The following CXCL13 variants were observed in gnomAD, a reference collection of about 807,000 sequenced individuals.
CXCL13 encodes C-X-C motif chemokine 13.
A neutral mutation model predicts 12.2 loss-of-function variants in CXCL13; 7 were observed. The observed-to-expected ratio is 0.57, with a 90% CI of 0.33 to 1.07. The LOEUF is 1.07. Ranked by LOEUF, CXCL13 falls within the 50% of genes least tolerant of loss-of-function variation. The pLI is 0.04. For synonymous variants in CXCL13, 47 were observed against 42.4 expected, an observed-to-expected ratio of 1.11 and a Z score of -0.42; for missense variants, 113 against 127.4, an observed-to-expected ratio of 0.89 and a Z score of 0.55.
chr4:77,530,128 A>T (rs1724869732), intron 1 of CXCL13, among the ~76,000 whole-genome samples: 1 of 152,218 alleles, frequency 6.6e-6, no homozygotes, highest in Non-Finnish European at 1.5e-5. Flanking sequence ...AATGAAGCCC[A>T]CTTGATCATG....
intron 1 of CXCL13, among the ~76,000 whole-genome samples, chr4:77,521,053 C>A: frequency 6.6e-6 from 1 of 152,130 alleles, no homozygotes. Flanking sequence ...AGCCTTGCAT[C>A]CCAGGGATGA....
At chr4:77,583,424 C>A (rs355685) in intron 1 of CXCL13, among the ~76,000 whole-genome samples, 35,632 of 152,102 alleles carry the variant, frequency 0.23, 4,349 homozygotes, top group South Asian at 0.35. Context: ...CAAGCATGAC[C>A]ACTGTGTAAG....
At chr4:77,549,034 C>T (rs1163638767) in intron 1 of CXCL13, among the ~76,000 whole-genome samples, 1 of 152,176 alleles carries the variant, frequency 6.6e-6, no homozygotes, top group Admixed American at 6.5e-5. Flanking sequence ...TTGTTCATTT[C>T]TTTTTACTCT....
chr4:77,521,320 A>T (rs536289781), intron 1 of CXCL13, among the ~76,000 whole-genome samples: 2 of 152,310 alleles, frequency 1.3e-5, no homozygotes, highest in African/African-American at 4.8e-5. Flanking sequence ...CCTCTGGTAG[A>T]ATTCAGCTGT....
At chr4:77,537,103 G>A (rs1035722161) in intron 1 of CXCL13, among the ~76,000 whole-genome samples, 6 of 152,162 alleles carry the variant, frequency 3.9e-5, no homozygotes, top group Admixed American at 3.9e-4. Flanking sequence ...TATTCAAATT[G>A]TGTTATGAAG....
chr4:77,564,133 T>C (rs1328360701), intron 1 of CXCL13, among the ~76,000 whole-genome samples: 1 of 152,176 alleles, frequency 6.6e-6, no homozygotes, highest in Non-Finnish European at 1.5e-5. Context: ...TAAAAACTCT[T>C]TGAAGTACGA....
chr4:77,541,526 G>A (rs908878587), intron 1 of CXCL13, among the ~76,000 whole-genome samples: 15 of 152,078 alleles, frequency 9.9e-5, no homozygotes, highest in African/African-American at 3.4e-4. Flanking sequence ...GGCTGTAGGC[G>A]TATGGCTTTA....
chr4:77,523,454 T>C (rs1724669224), intron 1 of CXCL13, among the ~76,000 whole-genome samples: 1 of 152,208 alleles, frequency 6.6e-6, no homozygotes, highest in East Asian at 1.9e-4. Context: ...CTTTATTTCA[T>C]TAATTTGATC....
At chr4:77,588,096 A>G (rs1312819010) in intron 1 of CXCL13, among the ~76,000 whole-genome samples, 1 of 148,108 alleles carries the variant, frequency 6.8e-6, no homozygotes. Context: ...CTTCCTTTGC[A>G]TATCTTGAAT....
In CXCL13 at chr4:77,533,291, G is replaced by A. The variant is rs1389619220; in HGVS notation, c.-43+21503G>A. Among the ~76,000 whole-genome samples the A allele has an allele frequency of 6.6e-5, 10 of 152,346 alleles. No individual in the cohort carries two copies. In the East Asian group the frequency reaches 1.5e-3, roughly 24 times the overall value. ...GCTGCAGGTCTGTTGGAGTTTGCTGGAGGTCTACGCCAGACCCTGTTTGCC... is the reference window on the plus strand; with the variant it reads ...GCTGCAGGTCTGTTGGAGTTTGCTGAAGGTCTACGCCAGACCCTGTTTGCC... On this transcript the variant is annotated intron_variant, in intron 1 of 4. Coordinates refer to the CXCL13 transcript ENST00000286758.
At chr4:77,597,375 A>C (rs1172487621) in intron 1 of CXCL13, among the ~76,000 whole-genome samples, 1 of 152,110 alleles carries the variant, frequency 6.6e-6, no homozygotes, top group African/African-American at 2.4e-5. Flanking sequence ...TTTTTGCATA[A>C]ACTAAAGCAA....
At position 77,545,000 on chromosome 4, in the gene CXCL13, G is replaced by A. The variant is rs190106116; in HGVS notation, c.-43+33212G>A. Among the ~76,000 whole-genome samples the A allele has an allele frequency of 2.7e-3, 418 of 152,266 alleles. 7 individuals are homozygous for A. The highest frequency in any genetic ancestry group is 9.6e-3 in the African/African-American group (400 of 41,542). On this transcript the variant is annotated intron_variant, in intron 1 of 4. Transcript: ENST00000286758. ...TTTTTCCAGCACCATTTATTAAATA[G>A]GGAATCCTTTCCCCATTTCTTGTTT...
At chr4:77,556,194 C>A (rs1297265085) in intron 1 of CXCL13, among the ~76,000 whole-genome samples, 1 of 152,112 alleles carries the variant, frequency 6.6e-6, no homozygotes, top group Non-Finnish European at 1.5e-5. Context: ...AAACTAGAAA[C>A]AACCCAAATG....
chr4:77,600,577 G>T (rs6829547), intron 1 of CXCL13, among the ~76,000 whole-genome samples: 1 of 152,134 alleles, frequency 6.6e-6, no homozygotes. Flanking sequence ...ACATTATAGC[G>T]TCAGTAGAGG....
chr4:77,581,172 G>A (rs1726326677), intron 1 of CXCL13, among the ~76,000 whole-genome samples: 1 of 152,060 alleles, frequency 6.6e-6, no homozygotes, highest in African/African-American at 2.4e-5. Flanking sequence ...AATGCTCTGT[G>A]GTGATGGTTA....
intron 1 of CXCL13, among the ~76,000 whole-genome samples, chr4:77,554,639 T>A (rs567109102): frequency 3.2e-4 from 48 of 152,202 alleles, no homozygotes; most frequent in Non-Finnish European, 5.6e-4. Context: ...GGAACAACAA[T>A]AACATATACA....
intron 1 of CXCL13, among the ~76,000 whole-genome samples, chr4:77,535,701 A>C (rs1340086266): frequency 6.6e-6 from 1 of 152,212 alleles, no homozygotes; most frequent in Non-Finnish European, 1.5e-5. Context: ...AGGAGGCTAC[A>C]TGGAGAGGCT....
chr4:77,536,362 T>A (rs935993637), intron 1 of CXCL13, among the ~76,000 whole-genome samples: 1 of 152,220 alleles, frequency 6.6e-6, no homozygotes, highest in Non-Finnish European at 1.5e-5. Flanking sequence ...CATAGTTAAC[T>A]TTTAACTTCC....
rs113233894 is a variant in CXCL13 at position 77,567,027 on chromosome 4, C to T, written c.-42-38797C>T. 2.5e-3 allele frequency among the ~76,000 whole-genome samples: 384 copies of T among 152,230 alleles called. 3 individuals are homozygous for T. Among genetic ancestry groups the T allele is most frequent in the African/African-American group, 8.8e-3 (365 of 41,546 alleles). On this transcript the variant is annotated intron_variant, in intron 1 of 4. Transcript: ENST00000286758. ...CTTAACTGATGACATCCCACCATTG[C>T]GATTTGTTCCTGCCTCACCCTAACT...
Sources: gnomAD v4.1 joint callset for allele counts (sites outside exome capture counted in the v4.1 genomes callset) on GRCh38, gnomAD v4.1.1 for gene constraint, MANE v1.5 for transcripts, NCBI Gene and HGNC (gene_info 2026-07-23, HGNC 2026-07-21) for gene names.